Variants in SORCS1 observed in about 807,000 individuals in gnomAD.
SORCS1 encodes VPS10 domain-containing receptor SorCS1.
A neutral mutation model predicts 146.1 loss-of-function variants in SORCS1; 60 were observed. That is an observed-to-expected ratio of 0.41 (90% CI 0.33 to 0.51). The LOEUF is 0.51. SORCS1 is among the 20% of genes least tolerant of loss of function. SORCS1 has a pLI of 0.21. For missense variants in SORCS1, 1,352 were observed against 1,487.6 expected (o/e 0.91, Z 1.50); for synonymous variants, 637 against 584.0 (o/e 1.09, Z -1.31).
At chr10:106,579,622 C>T (rs1427427170) in intron 24 of SORCS1, 148 bp from the exon 25 acceptor site, 2 of 776,426 alleles carry the variant, frequency 2.6e-6, no homozygotes, top group Non-Finnish European at 2.1e-6. Context: ...ACATGGCTGA[C>T]ATGGGATGCA....
At chr10:106,919,702 C>T (rs889188082) in intron 2 of SORCS1, among the ~76,000 whole-genome samples, 1 of 151,642 alleles carries the variant, frequency 6.6e-6, no homozygotes, top group African/African-American at 2.4e-5. Flanking sequence ...TTAGTTCTTG[C>T]TTCTAGCAAA....
chr10:107,162,983 A>G (rs193017627), intron 1 of SORCS1, among the ~76,000 whole-genome samples: 4 of 152,342 alleles, frequency 2.6e-5, no homozygotes, highest in East Asian at 1.9e-4. Flanking sequence ...AGTTATTACA[A>G]TCAAAGCTGG....
intron 1 of SORCS1, among the ~76,000 whole-genome samples, chr10:107,008,278 A>G (rs7904184): frequency 0.15 from 22,824 of 152,148 alleles, 5,618 homozygotes; most frequent in African/African-American, 0.51. Flanking sequence ...AGAAGTCCAA[A>G]CCCTCAATGT....
At chr10:106,918,371 G>A (rs1453929407) in intron 2 of SORCS1, among the ~76,000 whole-genome samples, 2 of 151,998 alleles carry the variant, frequency 1.3e-5, no homozygotes, top group Non-Finnish European at 2.9e-5. Flanking sequence ...CACCATGTTA[G>A]CCAGGATGGT....
At chr10:106,849,318 C>T (rs914165168) in intron 2 of SORCS1, among the ~76,000 whole-genome samples, 4 of 150,596 alleles carry the variant, frequency 2.7e-5, no homozygotes, top group Non-Finnish European at 4.4e-5. Flanking sequence ...CTTCCCTTCT[C>T]GCTTCACTTC....
the SORCS1 span, among the ~76,000 whole-genome samples, chr10:107,171,522 T>TC: frequency 1.3e-5 from 2 of 149,534 alleles, no homozygotes; most frequent in African/African-American, 4.9e-5. Flanking sequence ...CCCTTTTTTT[T>TC]TTTTTTTTTT....
chr10:106,855,683 A>G (rs184495137), intron 2 of SORCS1, among the ~76,000 whole-genome samples: 3 of 152,110 alleles, frequency 2.0e-5, no homozygotes, highest in African/African-American at 7.2e-5. Context: ...GGCATTCTTC[A>G]TTTCTATTAC....
chr10:106,941,322 C>T (rs1311339108), intron 2 of SORCS1, among the ~76,000 whole-genome samples: 2 of 152,124 alleles, frequency 1.3e-5, no homozygotes, highest in African/African-American at 4.8e-5. Context: ...AGTAGGTGAT[C>T]CACACTCAAC....
chr10:106,623,964 C>T (rs374876252), intron 19 of SORCS1, among the ~76,000 whole-genome samples: 6 of 152,290 alleles, frequency 3.9e-5, no homozygotes, highest in South Asian at 4.1e-4. Flanking sequence ...GGACTACAGG[C>T]GTGAGTCACT....
chr10:107,095,304 C>G (rs1404619643), intron 1 of SORCS1, among the ~76,000 whole-genome samples: 1 of 152,142 alleles, frequency 6.6e-6, no homozygotes, highest in African/African-American at 2.4e-5. Flanking sequence ...GCATCAGACA[C>G]AGAGTCAATA....
In SORCS1 at chr10:106,755,584, T is replaced by TTG. The variant is rs57442916; in HGVS notation, c.959+6002_959+6003dup. Among the ~76,000 whole-genome samples, 857 of 149,912 alleles carry TTG rather than the reference T, an allele frequency of 5.7e-3. 5 individuals carry two copies. Among genetic ancestry groups the TTG allele is most frequent in the South Asian group, 0.019 (89 of 4,692 alleles). ...ATCTTCCCTTACAGTAACATAATCT[T>TTG]TGTGTGTGTGTGTGTGTGTGTGTCT... On this transcript the variant is annotated intron_variant, in intron 5 of 25. Transcript: ENST00000263054.
At chr10:106,636,488 C>T (rs1037711858) in intron 18 of SORCS1, among the ~76,000 whole-genome samples, 3 of 152,146 alleles carry the variant, frequency 2.0e-5, no homozygotes, top group Non-Finnish European at 2.9e-5. Flanking sequence ...AATTGACTCA[C>T]AGCTCCACAT....
At chr10:106,910,283 T>TTGTGTGTGTGTGTGTG (rs141789814) in intron 2 of SORCS1, among the ~76,000 whole-genome samples, 7 of 146,036 alleles carry the variant, frequency 4.8e-5, no homozygotes, top group Admixed American at 1.4e-4. Flanking sequence ...TCTCTTTACA[T>TTGTGTGTGTGTGTGTG]TGTGTGTGTG....
At chr10:106,635,123 G>T in intron 18 of SORCS1, among the ~76,000 whole-genome samples, 1 of 152,192 alleles carries the variant, frequency 6.6e-6, no homozygotes, top group East Asian at 1.9e-4. Context: ...CCTGAGCAAT[G>T]AAAGGTGTGT....
At chr10:106,843,705 GATTACA>G (rs1949169890) in intron 2 of SORCS1, among the ~76,000 whole-genome samples, 1 of 152,100 alleles carries the variant, frequency 6.6e-6, no homozygotes, top group Non-Finnish European at 1.5e-5. Context: ...AAAGTGCTGG[GATTACA>G]GGCGTGAGCC....
At chr10:106,793,456 T>C (rs2245123) in intron 3 of SORCS1, among the ~76,000 whole-genome samples, 17,181 of 152,138 alleles carry the variant, frequency 0.11, 1,162 homozygotes, top group East Asian at 0.36. Context: ...AACCTATTTA[T>C]TCAGGGGCAT....
At chr10:106,706,837 T>G (rs1854569004) in intron 7 of SORCS1, among the ~76,000 whole-genome samples, 2 of 152,184 alleles carry the variant, frequency 1.3e-5, no homozygotes, top group Non-Finnish European at 1.5e-5. Context: ...AAACTGAACC[T>G]ACTGGACAAA....
At chr10:106,722,120 TACACACAC>T (rs140882766) in intron 6 of SORCS1, among the ~76,000 whole-genome samples, 189 of 144,356 alleles carry the variant, frequency 1.3e-3, no homozygotes, top group African/African-American at 4.5e-3. Flanking sequence ...AATATATAAA[TACACACAC>T]ACACACACAC....
At chr10:107,175,484 C>T in the SORCS1 span, among the ~76,000 whole-genome samples, 1 of 152,248 alleles carries the variant, frequency 6.6e-6, no homozygotes, top group Admixed American at 6.5e-5. Context: ...GTCACCCGGG[C>T]TGGAGTGCAG....
Sources: allele counts gnomAD v4.1 joint callset (sites outside exome capture counted in the v4.1 genomes callset), GRCh38; gene constraint gnomAD v4.1.1; transcripts MANE v1.5; gene names NCBI Gene and HGNC (gene_info 2026-07-23, HGNC 2026-07-21).